The following KIAA0513 variants were observed in gnomAD, a reference collection of about 807,000 sequenced individuals.
KIAA0513 encodes KIAA0513, also known as uncharacterized protein KIAA0513.
Under a neutral mutation model 56.5 loss-of-function variants are expected in KIAA0513, and 39 were observed. That is an observed-to-expected ratio of 0.69 (90% CI 0.53 to 0.90). KIAA0513 has a LOEUF of 0.90. Among genes scored for constraint, KIAA0513 ranks in the 40% least tolerant of loss-of-function variants. The pLI is 0.00. For synonymous variants in KIAA0513, 268 were observed against 215.6 expected (o/e 1.24, Z -2.13); for missense variants, 591 against 535.2 (o/e 1.10, Z -1.03).
At chr16:85,035,619 T>C (rs948399489) in intron 1 of KIAA0513, among the ~76,000 whole-genome samples, 10 of 152,128 alleles carry the variant, frequency 6.6e-5, no homozygotes, top group Middle Eastern at 3.2e-3. Context: ...GCCTGCCAAG[T>C]AGCTGGGACT....
intron 1 of KIAA0513, among the ~76,000 whole-genome samples, chr16:85,034,206 C>G (rs892555645): frequency 2.0e-5 from 3 of 152,100 alleles, no homozygotes; most frequent in African/African-American, 7.2e-5. Flanking sequence ...TGGTGAAAAC[C>G]TCTCTCTTAC....
rs1202052666 is a variant in KIAA0513, at chr16:85,092,709, A to G, written c.*4384A>G. 1 of 152,266 alleles carries G rather than the reference A, an allele frequency of 6.6e-6. No homozygotes were observed. The allele number at this position is 152,266 out of a possible 1,614,324, so 9.4% of individuals were successfully genotyped here. ...ATTCATGTTGATGATTCTTGGAGAT[A>G]GGTTTCACTTTTTCCCAGCTGCGTC... On this transcript the variant is annotated 3_prime_UTR_variant, in exon 13 of 13. Transcript: ENST00000683363.
intron 1 of KIAA0513, among the ~76,000 whole-genome samples, chr16:85,028,400 A>C (rs1469319193): frequency 6.6e-6 from 1 of 152,058 alleles, no homozygotes; most frequent in Non-Finnish European, 1.5e-5. Context: ...GGGGTGAGAG[A>C]AAGGGGCTTC....
intron 1 of KIAA0513, among the ~76,000 whole-genome samples, chr16:85,038,849 G>A (rs1222578616): frequency 4.6e-5 from 7 of 151,872 alleles, no homozygotes; most frequent in Non-Finnish European, 8.8e-5. Context: ...TCTGTCCAAA[G>A]TCTGAAGTCT....
intron 1 of KIAA0513, among the ~76,000 whole-genome samples, chr16:85,033,499 C>G (rs1255069354): frequency 6.6e-6 from 1 of 152,244 alleles, no homozygotes; most frequent in Non-Finnish European, 1.5e-5. Context: ...GCCACTTAGG[C>G]AATGCTGCCC....
At chr16:85,029,040 T>C (rs558338572) in intron 1 of KIAA0513, among the ~76,000 whole-genome samples, 1 of 152,354 alleles carries the variant, frequency 6.6e-6, no homozygotes, top group Admixed American at 6.5e-5. Flanking sequence ...TGAGCGTTCC[T>C]TCCTGTCTTC....
chr16:85,066,518 C>T (rs1050114601), intron 1 of KIAA0513, among the ~76,000 whole-genome samples: 1 of 152,124 alleles, frequency 6.6e-6, no homozygotes, highest in African/African-American at 2.4e-5. Flanking sequence ...GAGGTTCTTC[C>T]GTAGCCACTG....
intron 1 of KIAA0513, among the ~76,000 whole-genome samples, chr16:85,055,377 C>T (rs2073314052): frequency 1.3e-5 from 2 of 152,154 alleles, no homozygotes; most frequent in South Asian, 4.1e-4. Context: ...AAATAAGATG[C>T]ATTTTAGGAT....
chr16:85,060,669 C>T (rs2073391246), intron 1 of KIAA0513, among the ~76,000 whole-genome samples: 2 of 151,812 alleles, frequency 1.3e-5, no homozygotes, highest in South Asian at 2.1e-4. Flanking sequence ...TGAGACCTCA[C>T]CTTTATAAAT....
chr16:85,062,204 G>A (rs574798022), intron 1 of KIAA0513, among the ~76,000 whole-genome samples: 11 of 138,202 alleles, frequency 8.0e-5, no homozygotes, highest in South Asian at 2.3e-4. Context: ...CCCCTGGTAC[G>A]TACGTAAACA....
rs2073834399 is a variant in KIAA0513 at position 85,088,430 on chromosome 16, A to G, written c.*105A>G. On this transcript the variant is annotated 3_prime_UTR_variant, in exon 13 of 13. Coordinates refer to ENST00000683363, the MANE Select transcript of KIAA0513 (RefSeq NM_001388359.1). ...CGATGACCTGCATGAAGCCAGCAGC[A>G]CCCAGAGCCACTCCTGCTGCCCTAG... 1.1e-6 allele frequency: 1 copy of G among 885,778 alleles called. No individual in the cohort carries two copies. Among genetic ancestry groups the G allele is most frequent in the South Asian group, 1.4e-5 (1 of 72,572 alleles). The allele number at this position is 885,778 out of a possible 1,614,324, so 54.9% of individuals were successfully genotyped here. A position where few individuals can be genotyped will look rare whatever the true frequency, so the allele number is the denominator to read the frequency against.
chr16:85,075,341 C>T (rs768345099), intron 4 of KIAA0513, among the ~76,000 whole-genome samples: 22 of 152,162 alleles, frequency 1.4e-4, no homozygotes, highest in Non-Finnish European at 2.9e-4. Flanking sequence ...ACCTACAAGG[C>T]AAAGGAATGG....
chr16:85,056,263 C>T (rs1181077049), intron 1 of KIAA0513, among the ~76,000 whole-genome samples: 1 of 152,246 alleles, frequency 6.6e-6, no homozygotes, highest in Admixed American at 6.5e-5. Context: ...CCACCCTTTG[C>T]TCCTTCCCAT....
chr16:85,033,724 C>G lies in KIAA0513; in HGVS notation c.-173+5866C>G, dbSNP rs188067912. Among the ~76,000 whole-genome samples the G allele has an allele frequency of 6.6e-5, 10 of 152,308 alleles. No individual in the cohort carries two copies. The East Asian group carries it at 1.5e-3, about 24-fold the overall frequency. On this transcript the variant is annotated intron_variant, in intron 1 of 12. Coordinates refer to ENST00000683363, the MANE Select transcript of KIAA0513 (RefSeq NM_001388359.1). ...CGTCGCCAGCTGACTTATCTGGTGA[C>G]TGGCACTGGCACCTGGAGATGCCTC...
intron 1 of KIAA0513, among the ~76,000 whole-genome samples, chr16:85,045,600 C>T (rs1216861315): frequency 6.6e-6 from 1 of 152,216 alleles, no homozygotes; most frequent in Non-Finnish European, 1.5e-5. Flanking sequence ...AAATGATCCA[C>T]CTGCCTCGGC....
chr16:85,059,300 G>C (rs558013422), intron 1 of KIAA0513, among the ~76,000 whole-genome samples: 1 of 152,328 alleles, frequency 6.6e-6, no homozygotes, highest in Admixed American at 6.5e-5. Flanking sequence ...TCTATGCTGT[G>C]GTGTCCCTAT....
At chr16:85,028,561 C>G (rs980959343) in intron 1 of KIAA0513, among the ~76,000 whole-genome samples, 3 of 152,076 alleles carry the variant, frequency 2.0e-5, no homozygotes, top group Non-Finnish European at 2.9e-5. Context: ...GAATTGAACC[C>G]GTTTAGAGGA....
intron 10 of KIAA0513, 77 bp downstream of exon 10, chr16:85,082,670 C>A: frequency 1.4e-6 from 2 of 1,468,680 alleles, no homozygotes; most frequent in Non-Finnish European, 1.9e-6. Context: ...GGGGGCTGTG[C>A]ACTGTGCTGA....
At chr16:85,074,295 T>C (rs2073623156) in intron 4 of KIAA0513, among the ~76,000 whole-genome samples, 1 of 150,914 alleles carries the variant, frequency 6.6e-6, no homozygotes, top group South Asian at 2.1e-4. Context: ...TATATATACA[T>C]ATATATATAC....
Sources: allele counts gnomAD v4.1 joint callset (sites outside exome capture counted in the v4.1 genomes callset), GRCh38; gene constraint gnomAD v4.1.1; transcripts MANE v1.5; gene names NCBI Gene and HGNC (gene_info 2026-07-23, HGNC 2026-07-21).